LDHAL6A: variants seen among roughly 807,000 people sequenced by gnomAD.
LDHAL6A encodes lactate dehydrogenase A like 6A.
LDHAL6A carries 19 observed loss-of-function variants against 28.2 expected under a neutral mutation model. The ratio of observed to expected loss-of-function variants is 0.67; its 90% CI spans 0.47 to 0.99. The LOEUF (loss-of-function observed/expected upper bound fraction) is 0.99. Among genes scored for constraint, LDHAL6A ranks in the 50% least tolerant of loss-of-function variants. The probability of loss-of-function intolerance (pLI) is 0.00; values close to 1 mark genes in which losing one functional copy is unlikely to be tolerated. For missense variants in LDHAL6A, 372 were observed against 398.6 expected (o/e 0.93, Z 0.57); for synonymous variants, 144 against 134.4 (o/e 1.07, Z -0.49).
chr11:18,472,152 C>T (rs1451687545), intron 3 of LDHAL6A, among the ~76,000 whole-genome samples: 1 of 152,166 alleles, frequency 6.6e-6, no homozygotes, highest in African/African-American at 2.4e-5. Context: ...TTCTCTGTTC[C>T]AGACCCAGGG....
At chr11:18,468,987 G>A (rs936002578) in intron 3 of LDHAL6A, 16 of 389,828 alleles carry the variant, frequency 4.1e-5, no homozygotes, top group Middle Eastern at 6.0e-4. Context: ...ATGGTAGTCC[G>A]GCGCTACAAG....
At chr11:18,478,660 C>T (rs1366846267) in intron 6 of LDHAL6A, 46 bp from the exon 7 acceptor site, 4 of 1,468,150 alleles carry the variant, frequency 2.7e-6, no homozygotes, top group Admixed American at 1.8e-5. Context: ...TCTCATATTG[C>T]AGAACTTTGT....
At chr11:18,470,615 T>C (rs929722388) in intron 3 of LDHAL6A, among the ~76,000 whole-genome samples, 2 of 152,320 alleles carry the variant, frequency 1.3e-5, no homozygotes, top group South Asian at 2.1e-4. Flanking sequence ...TTAATAGTTA[T>C]GATGATTGTG....
intron 1 of LDHAL6A, 39 bp downstream of exon 1, chr11:18,456,845 T>C (rs766264540): frequency 1.3e-6 from 2 of 1,591,296 alleles, no homozygotes; most frequent in South Asian, 2.3e-5. Context: ...TCACCTCAGT[T>C]GGAGGCGAGG....
chr11:18,478,633 A>T, intron 6 of LDHAL6A, 73 bp from the exon 7 acceptor site: 5 of 1,184,202 alleles, frequency 4.2e-6, no homozygotes, highest in Non-Finnish European at 6.2e-6. Flanking sequence ...TTATTCATTC[A>T]CCTCCCAACT....
chr11:18,467,244 A>G (rs527393519), intron 3 of LDHAL6A, among the ~76,000 whole-genome samples: 1 of 152,178 alleles, frequency 6.6e-6, no homozygotes, highest in East Asian at 1.9e-4. Flanking sequence ...CTGAAGAACT[A>G]TTTAACTTTT....
intron 5 of LDHAL6A, 96 bp downstream of exon 5, chr11:18,476,597 A>G: frequency 6.7e-7 from 1 of 1,487,268 alleles, no homozygotes; most frequent in Non-Finnish European, 9.0e-7. Flanking sequence ...ATGTTGTTGT[A>G]TTTCCCATAT....
chr11:18,467,906 T>TATATATACACAC (rs1565070899), intron 3 of LDHAL6A, among the ~76,000 whole-genome samples: 1 of 71,426 alleles, frequency 1.4e-5, no homozygotes, highest in Non-Finnish European at 2.4e-5. Context: ...TATATATATA[T>TATATATACACAC]ATATATATAT....
rs769353057 is a variant in LDHAL6A at position 18,463,956 on chromosome 11, T to TCACAC, written c.127-5_127-4insCACAC. The TCACAC allele has an allele frequency of 3.8e-6, 6 of 1,597,706 alleles. No individual in the cohort carries two copies. In the Admixed American group the frequency reaches 1.0e-4, roughly 27 times the overall value. ...CACACCCATTGGACTAACAATGTTT[T>TCACAC]TCAGGGTTTGAGTGATGAACTTGTC... On this transcript the variant is annotated splice_region_variant and splice_polypyrimidine_tract_variant and intron_variant, in intron 1 of 6. Coordinates refer to ENST00000280706, the MANE Select transcript of LDHAL6A (RefSeq NM_144972.5).
At chr11:18,471,270 C>T (rs1010643191) in intron 3 of LDHAL6A, among the ~76,000 whole-genome samples, 7 of 146,614 alleles carry the variant, frequency 4.8e-5, no homozygotes, top group Non-Finnish European at 8.9e-5. Flanking sequence ...AGTGCAGTGG[C>T]GCAAACTTGG....
rs778866161 is a variant in LDHAL6A at position 18,478,926 on chromosome 11, A to ATATG, written c.*58_*61dup. ...GATGAAATAGTAGTTATGGAATTGT[A>ATATG]TATGTCAAACTTTTGAATAAATTTG... is the stretch of plus-strand genomic sequence containing the variant. On this transcript the variant is annotated 3_prime_UTR_variant, in exon 7 of 7. Coordinates refer to ENST00000280706, the MANE Select transcript of LDHAL6A (RefSeq NM_144972.5). The ATATG allele has an allele frequency of 1.9e-5, 27 of 1,394,602 alleles. No individual in the cohort carries two copies. Among genetic ancestry groups the ATATG allele is most frequent in the Non-Finnish European group, 2.5e-5 (25 of 1,015,638 alleles). The allele number at this position is 1,394,602 out of a possible 1,614,324, so 86.4% of individuals were successfully genotyped here.
intron 3 of LDHAL6A, chr11:18,469,330 T>A (rs981692702): frequency 1.1e-5 from 5 of 435,742 alleles, no homozygotes; most frequent in African/African-American, 1.0e-4. Flanking sequence ...TAAGGTTATA[T>A]GATAACAAAT....
At chr11:18,471,983 A>C (rs770286305) in intron 3 of LDHAL6A, among the ~76,000 whole-genome samples, 4 of 152,118 alleles carry the variant, frequency 2.6e-5, no homozygotes, top group Non-Finnish European at 4.4e-5. Context: ...GTAAAATAAT[A>C]CAGGAAGATA....
Position 18,467,910 on chromosome 11 carries a change from T to C in LDHAL6A, c.418+2100T>C, listed in dbSNP as rs1333191905. On this transcript the variant is annotated intron_variant, in intron 3 of 6. Coordinates refer to ENST00000280706, the MANE Select transcript of LDHAL6A (RefSeq NM_144972.5). The stretch of plus-strand genomic sequence containing the variant: ...ATATATATATATATATATATATATA[T>C]ATATATATACACACACATATATATA... Among the ~76,000 whole-genome samples, 20 of 71,564 alleles carry C rather than the reference T, an allele frequency of 2.8e-4. 1 individual carries two copies. The highest frequency in any genetic ancestry group is 7.3e-4 in the East Asian group (1 of 1,368). The allele number at this position is 71,564 out of a possible 152,430, so 46.9% of individuals were successfully genotyped here.
chr11:18,468,062 C>CATATATAT (rs148813517), intron 3 of LDHAL6A, among the ~76,000 whole-genome samples: 6 of 30,826 alleles, frequency 1.9e-4, no homozygotes, highest in Non-Finnish European at 3.9e-4. Context: ...TATATATATA[C>CATATATAT]ATATATATAT....
rs1432856124 is a variant in LDHAL6A, at chr11:18,463,985, G to A, written c.151G>A (p.Val51Met). 16 of 1,613,540 alleles carry A rather than the reference G, an allele frequency of 9.9e-6. No individual in the cohort carries two copies. The highest frequency in any genetic ancestry group is 1.3e-5 in the African/African-American group (1 of 74,914). ...GGGTTTGAGTGATGAACTTGTCCTT[G>A]TGGATGTTGATGAAGGCAAACTGAA... ...LKGLSDELVLVDVDEGKLKGE... is the reference protein window; with the variant it reads ...LKGLSDELVLMDVDEGKLKGE... Residue 51 changes from valine (V) to methionine (M), a missense_variant, in exon 2 of 7, where the codon GTG (valine) becomes ATG (methionine). Around this residue, in one of 3 missense-constraint regions of LDHAL6A, gnomAD observed 77 missense variants for 77.9 expected, o/e 0.99. Transcript: ENST00000280706.
chr11:18,462,591 C>T lies in LDHAL6A; in HGVS notation c.127-1370C>T, dbSNP rs1198207377. On this transcript the variant is annotated intron_variant, in intron 1 of 6. Coordinates refer to ENST00000280706, the MANE Select transcript of LDHAL6A (RefSeq NM_144972.5). Reference sequence around the variant, plus strand: ...GGCGGAGCTTGCAGTGAGCCGAGATCACGCCACTGCACTCCAGCCTGGGCA... The same window carrying T: ...GGCGGAGCTTGCAGTGAGCCGAGATTACGCCACTGCACTCCAGCCTGGGCA... Among the ~76,000 whole-genome samples, 4 of 147,732 alleles carry T rather than the reference C, an allele frequency of 2.7e-5. No homozygotes were observed. In the East Asian group the frequency reaches 5.8e-4, roughly 22 times the overall value.
intron 1 of LDHAL6A, among the ~76,000 whole-genome samples, chr11:18,457,095 C>T (rs1848779043): frequency 6.6e-5 from 10 of 152,120 alleles, no homozygotes; most frequent in Admixed American, 6.5e-4. Flanking sequence ...AAACTCAGCT[C>T]ACAAAACAAA....
chr11:18,473,118 C>T (rs1166120276), intron 3 of LDHAL6A, among the ~76,000 whole-genome samples: 1 of 152,030 alleles, frequency 6.6e-6, no homozygotes, highest in African/African-American at 2.4e-5. Flanking sequence ...AAATTCTATA[C>T]ATAGAACACC....
Sources: allele counts gnomAD v4.1 joint callset (sites outside exome capture counted in the v4.1 genomes callset), GRCh38; gene constraint gnomAD v4.1.1; regional missense constraint gnomAD v4.1.1; transcripts MANE v1.5; gene names NCBI Gene and HGNC (gene_info 2026-07-23, HGNC 2026-07-21).